The following CTNNA3 variants were observed in gnomAD, a reference collection of about 807,000 sequenced individuals.
CTNNA3 encodes catenin alpha-3.
CTNNA3 carries 76 observed loss-of-function variants against 95.7 expected under a neutral mutation model. That is an observed-to-expected ratio of 0.79 (90% CI 0.66 to 0.96). The LOEUF (loss-of-function observed/expected upper bound fraction) is 0.96. CTNNA3 is among the 40% of genes least tolerant of loss of function. The pLI is 0.00. For missense variants in CTNNA3, 1,191 were observed against 1,089.8 expected (o/e 1.09, Z -1.31); for synonymous variants, 431 against 374.4 (o/e 1.15, Z -1.74).
intron 11 of CTNNA3, among the ~76,000 whole-genome samples, chr10:66,450,313 AC>A (rs1463262583): frequency 1.3e-5 from 2 of 152,258 alleles, no homozygotes; most frequent in African/African-American, 4.8e-5. Context: ...TGTTTGGAGT[AC>A]TAACATAAAT....
At position 66,414,012 on chromosome 10, in the gene CTNNA3, C is replaced by A. The variant is rs116509523; in HGVS notation, c.1532-34660G>T. The stretch of plus-strand genomic sequence containing the variant: ...ACTTGATATAATCAGTCCAGTCCTT[C>A]CTTCCTTACAGATATATCTTTTAAG... On this transcript the variant is annotated intron_variant, in intron 11 of 17. Transcript: ENST00000433211. 5.9e-3 allele frequency among the ~76,000 whole-genome samples: 899 copies of A among 152,260 alleles called. 6 individuals are homozygous for A. Among genetic ancestry groups the A allele is most frequent in the African/African-American group, 0.021 (853 of 41,542 alleles).
At chr10:66,093,302 G>A (rs1453686698) in intron 14 of CTNNA3, among the ~76,000 whole-genome samples, 1 of 152,062 alleles carries the variant, frequency 6.6e-6, no homozygotes, top group African/African-American at 2.4e-5. Context: ...ACAATGGATA[G>A]AGATAGAGCC....
intron 10 of CTNNA3, among the ~76,000 whole-genome samples, chr10:66,608,794 T>G (rs377664216): frequency 5.9e-5 from 9 of 152,126 alleles, no homozygotes; most frequent in African/African-American, 1.9e-4. Context: ...TAATTCAAAA[T>G]GGATTAAACA....
chr10:66,673,215 C>T lies in CTNNA3; in HGVS notation c.1282-51431G>A, dbSNP rs190425565. The stretch of plus-strand genomic sequence containing the variant: ...AAACAGAATTTATCACCATTTAGCA[C>T]CACTTTAGTCAGATTGCATACCACC... On this transcript the variant is annotated intron_variant, in intron 9 of 17. Transcript: ENST00000433211. Among the ~76,000 whole-genome samples, 482 of 152,164 alleles carry T rather than the reference C, an allele frequency of 3.2e-3. 2 individuals are homozygous for T. Among genetic ancestry groups the T allele is most frequent in the Non-Finnish European group, 4.8e-3 (326 of 67,998 alleles).
At chr10:67,710,921 C>A (rs924365057) in intron 1 of CTNNA3, among the ~76,000 whole-genome samples, 5 of 152,136 alleles carry the variant, frequency 3.3e-5, no homozygotes, top group Non-Finnish European at 7.4e-5. Context: ...TGAATTCCCA[C>A]GTGTTGTGGG....
At chr10:66,653,037 A>G (rs1250963994) in intron 9 of CTNNA3, among the ~76,000 whole-genome samples, 1 of 152,156 alleles carries the variant, frequency 6.6e-6, no homozygotes, top group Non-Finnish European at 1.5e-5. Flanking sequence ...ATCATACTGG[A>G]TGCCTCTAAG....
At chr10:66,019,862 T>C (rs1407376032) in intron 15 of CTNNA3, among the ~76,000 whole-genome samples, 1 of 152,198 alleles carries the variant, frequency 6.6e-6, no homozygotes, top group Non-Finnish European at 1.5e-5. Flanking sequence ...ATATTTAGCA[T>C]AATTAGTCCA....
At chr10:67,563,954 C>G (rs1162304226) in intron 3 of CTNNA3, among the ~76,000 whole-genome samples, 1 of 149,084 alleles carries the variant, frequency 6.7e-6, no homozygotes, top group East Asian at 1.9e-4. Flanking sequence ...TACCATCTCA[C>G]ACCAGTTAGA....
intron 1 of CTNNA3, among the ~76,000 whole-genome samples, chr10:67,683,731 T>C (rs1241923927): frequency 6.6e-6 from 1 of 152,182 alleles, no homozygotes; most frequent in African/African-American, 2.4e-5. Context: ...TTACCACTCT[T>C]AAAGATGTTG....
At chr10:67,401,112 C>G (rs1844901769) in intron 5 of CTNNA3, among the ~76,000 whole-genome samples, 1 of 152,068 alleles carries the variant, frequency 6.6e-6, no homozygotes, top group Non-Finnish European at 1.5e-5. Flanking sequence ...TGACCCTTTT[C>G]CCCTTCCACC....
chr10:66,248,353 A>G (rs946712529), intron 13 of CTNNA3, among the ~76,000 whole-genome samples: 1 of 151,646 alleles, frequency 6.6e-6, no homozygotes, highest in Non-Finnish European at 1.5e-5. Context: ...AATCATAAAA[A>G]AAAAACAGAA....
intron 9 of CTNNA3, among the ~76,000 whole-genome samples, chr10:66,723,295 A>G (rs1848684303): frequency 1.3e-5 from 2 of 152,166 alleles, no homozygotes; most frequent in African/African-American, 2.4e-5. Flanking sequence ...TTGTTGAAGT[A>G]TTCCTAACTT....
At chr10:67,663,150 G>T (rs1249856812) in intron 1 of CTNNA3, among the ~76,000 whole-genome samples, 1 of 152,058 alleles carries the variant, frequency 6.6e-6, no homozygotes, top group Non-Finnish European at 1.5e-5. Context: ...TCACACCTGT[G>T]TGTTCAGGTT....
At chr10:66,364,233 A>G (rs1031815246) in intron 12 of CTNNA3, among the ~76,000 whole-genome samples, 3 of 151,544 alleles carry the variant, frequency 2.0e-5, no homozygotes, top group Admixed American at 1.3e-4. Context: ...AAAAACAACA[A>G]TAAAATCATT....
intron 1 of CTNNA3, among the ~76,000 whole-genome samples, chr10:67,708,226 C>T (rs896450813): frequency 6.6e-6 from 1 of 152,124 alleles, no homozygotes; most frequent in African/African-American, 2.4e-5. Context: ...TAGTCAATAA[C>T]CTTAACAAGC....
At chr10:67,667,034 G>A (rs1840343641) in intron 1 of CTNNA3, among the ~76,000 whole-genome samples, 2 of 152,050 alleles carry the variant, frequency 1.3e-5, no homozygotes, top group Non-Finnish European at 2.9e-5. Flanking sequence ...AACAAATCCT[G>A]AAGAAAACAG....
At chr10:67,496,335 AAGAT>A in intron 5 of CTNNA3, among the ~76,000 whole-genome samples, 1 of 152,190 alleles carries the variant, frequency 6.6e-6, no homozygotes, top group African/African-American at 2.4e-5. Context: ...GGTTAGGAGA[AAGAT>A]AGGTTTAAAA....
chr10:66,216,173 T>A (rs1028570705), intron 13 of CTNNA3, among the ~76,000 whole-genome samples: 20 of 152,344 alleles, frequency 1.3e-4, no homozygotes, highest in African/African-American at 4.6e-4. Context: ...ATAAATCCTG[T>A]CCTTAGGCAA....
At chr10:66,725,272 T>C (rs971230180) in intron 9 of CTNNA3, among the ~76,000 whole-genome samples, 1 of 152,114 alleles carries the variant, frequency 6.6e-6, no homozygotes, top group Non-Finnish European at 1.5e-5. Flanking sequence ...CTATTTTCTA[T>C]CTTAAGATCT....
Sources: gnomAD v4.1 joint callset for allele counts (sites outside exome capture counted in the v4.1 genomes callset) on GRCh38, gnomAD v4.1.1 for gene constraint, MANE v1.5 for transcripts, NCBI Gene and HGNC (gene_info 2026-07-23, HGNC 2026-07-21) for gene names.